LARP1: variants seen among roughly 807,000 people sequenced by gnomAD.
LARP1 encodes La ribonucleoprotein 1, translational regulator, also known as la-related protein 1.
In LARP1, 36 loss-of-function variants were observed where a neutral mutation model predicts 122.7. The ratio of observed to expected loss-of-function variants is 0.29; its 90% CI spans 0.22 to 0.39. The LOEUF is 0.39. Ranked by LOEUF, LARP1 falls within the 10% of genes least tolerant of loss-of-function variation. The pLI, the probability that LARP1 is intolerant of heterozygous loss-of-function variation, is 1.00. For synonymous variants in LARP1, 539 were observed against 528.7 expected (o/e 1.02, Z -0.27); for missense variants, 1,040 against 1,403.6 (o/e 0.74, Z 4.14).
intron 1 of LARP1, among the ~76,000 whole-genome samples, chr5:154,733,510 A>G (rs1359478737): frequency 1.3e-5 from 2 of 151,992 alleles, no homozygotes; most frequent in African/African-American, 4.8e-5. Flanking sequence ...TGACATTTCC[A>G]AATGAGTTTG....
At chr5:154,771,816 C>G (rs561930266) in intron 1 of LARP1, among the ~76,000 whole-genome samples, 1 of 152,178 alleles carries the variant, frequency 6.6e-6, no homozygotes, top group South Asian at 2.1e-4. Context: ...CTGGAAAGAC[C>G]TTGTAGTTTT....
At chr5:154,748,039 G>A (rs1051521516) in intron 1 of LARP1, among the ~76,000 whole-genome samples, 3 of 152,028 alleles carry the variant, frequency 2.0e-5, no homozygotes, top group African/African-American at 4.8e-5. Flanking sequence ...TCTTACAGAC[G>A]GGGTCTTAGT....
rs1229300225 is a variant in LARP1, at chr5:154,813,099, T to C, written c.3082-788T>C. ...TATGTGGTGACGCAGACAGGACTTA[T>C]TAGGTTAACTGAGGTTCGTGGCCAT... On this transcript the variant is annotated intron_variant, in intron 18 of 18. Coordinates refer to ENST00000518297, the MANE Select transcript of LARP1 (RefSeq NM_033551.3). Among the ~76,000 whole-genome samples the C allele has an allele frequency of 2.5e-4, 7 of 28,272 alleles. No individual in the cohort carries two copies. In the African/African-American group the frequency reaches 3.8e-3, roughly 15 times the overall value. The allele number at this position is 28,272 out of a possible 152,430, so 18.5% of individuals were successfully genotyped here. A position where few individuals can be genotyped will look rare whatever the true frequency, so the allele number is the denominator to read the frequency against.
chr5:154,785,142 G>A (rs886179897), intron 1 of LARP1, among the ~76,000 whole-genome samples: 6 of 152,224 alleles, frequency 3.9e-5, no homozygotes, highest in Non-Finnish European at 8.8e-5. Flanking sequence ...AAGTTTGGAA[G>A]CCTTCCTCTT....
At chr5:154,734,124 G>A (rs1756747326) in intron 1 of LARP1, among the ~76,000 whole-genome samples, 2 of 150,810 alleles carry the variant, frequency 1.3e-5, no homozygotes, top group Non-Finnish European at 2.9e-5. Context: ...CCGAGATCAC[G>A]CTATTGTACT....
At chr5:154,704,855 C>A (rs759635295) in intron 1 of LARP1, among the ~76,000 whole-genome samples, 1 of 151,966 alleles carries the variant, frequency 6.6e-6, no homozygotes, top group Non-Finnish European at 1.5e-5. Context: ...TAGTGGCTCA[C>A]GCCTGTAATT....
At chr5:154,736,230 G>A (rs954933984) in intron 1 of LARP1, among the ~76,000 whole-genome samples, 5 of 151,778 alleles carry the variant, frequency 3.3e-5, no homozygotes, top group Admixed American at 6.6e-5. Context: ...CGAGTAGCTG[G>A]GATTACAGGC....
intron 14 of LARP1, among the ~76,000 whole-genome samples, 172 bp downstream of exon 14, chr5:154,804,479 G>T (rs1210439594): frequency 2.0e-5 from 3 of 152,178 alleles, no homozygotes; most frequent in Non-Finnish European, 4.4e-5. Flanking sequence ...GGAATGACGG[G>T]TAGGCTTTTT....
chr5:154,701,531 A>G (rs143851392), intron 1 of LARP1, among the ~76,000 whole-genome samples: 1,933 of 152,202 alleles, frequency 0.013, 23 homozygotes, highest in Non-Finnish European at 0.018. Context: ...CCCTGGTCAC[A>G]GTGATGGGCC....
intron 1 of LARP1, among the ~76,000 whole-genome samples, chr5:154,685,583 C>G (rs1005657705): frequency 2.6e-5 from 4 of 152,134 alleles, no homozygotes; most frequent in South Asian, 2.1e-4. Context: ...AGGGAAGTCA[C>G]CGTATCTACT....
upstream of LARP1, among the ~76,000 whole-genome samples, chr5:154,754,486 A>G (rs1316045737): frequency 6.6e-6 from 1 of 152,126 alleles, no homozygotes; most frequent in African/African-American, 2.4e-5. Flanking sequence ...GTCCCAATCC[A>G]GGGACGGTTC....
At chr5:154,779,993 C>T (rs961882624) in intron 1 of LARP1, among the ~76,000 whole-genome samples, 1 of 152,094 alleles carries the variant, frequency 6.6e-6, no homozygotes, top group Non-Finnish European at 1.5e-5. Context: ...GCCTGTAGGC[C>T]ATCCTGAACT....
chr5:154,790,272 T>C, intron 1 of LARP1, 53 bp from the exon 2 acceptor site: 1 of 1,476,070 alleles, frequency 6.8e-7, no homozygotes, highest in Non-Finnish European at 9.4e-7. Context: ...GAGCTGGCAG[T>C]AGCCCCCTCA....
At chr5:154,764,226 C>T (rs1208677619) in intron 1 of LARP1, among the ~76,000 whole-genome samples, 1 of 150,584 alleles carries the variant, frequency 6.6e-6, no homozygotes, top group African/African-American at 2.5e-5. Flanking sequence ...AGGAGAATCG[C>T]TTGAACCTGG....
chr5:154,713,069 G>C (rs1381635377), exon 1 of LARP1: 1 of 1,614,050 alleles, frequency 6.2e-7, no homozygotes, highest in African/African-American at 1.3e-5. Flanking sequence ...CGAGGAAGGA[G>C]CCCACAGGTG....
intron 1 of LARP1, among the ~76,000 whole-genome samples, chr5:154,691,000 C>T (rs1754172573): frequency 6.6e-6 from 1 of 152,180 alleles, no homozygotes; most frequent in Non-Finnish European, 1.5e-5. Context: ...TGGCTCATGC[C>T]TGTAATCCCA....
At chr5:154,785,015 T>C (rs1756769665) in intron 1 of LARP1, among the ~76,000 whole-genome samples, 1 of 152,252 alleles carries the variant, frequency 6.6e-6, no homozygotes, top group South Asian at 2.1e-4. Context: ...AAGGGAACTC[T>C]TGTCAGCCTT....
At position 154,813,976 on chromosome 5, in the gene LARP1, G is replaced by A. The variant is rs777247944; in HGVS notation, c.3171G>A (p.Gln1057=). 6.2e-7 allele frequency: 1 copy of A among 1,614,092 alleles called. No individual in the cohort carries two copies. Among genetic ancestry groups the A allele is most frequent in the South Asian group, 1.1e-5 (1 of 91,088 alleles). The change falls in exon 19 of 19, where the codon CAG becomes CAA. Residue 1057 remains glutamine, a synonymous_variant. Transcript: ENST00000518297. The stretch of plus-strand genomic sequence containing the variant: ...AGGGCAGGAAGCGGTGCCCCTCCCA[G>A]TCTTCCAGCAGGCCTGCTGCCATGA... ...GGEGRKRCPS[Q]SSSRPAAMIS... is the part of the protein sequence containing the mutation.
intron 8 of LARP1, among the ~76,000 whole-genome samples, chr5:154,798,423 A>C (rs1181450608): frequency 2.0e-5 from 3 of 152,248 alleles, no homozygotes; most frequent in Non-Finnish European, 4.4e-5. Flanking sequence ...AAGTAGCAGT[A>C]TATAATAGAA....
Sources: gnomAD v4.1 joint callset for allele counts (sites outside exome capture counted in the v4.1 genomes callset) on GRCh38, gnomAD v4.1.1 for gene constraint, MANE v1.5 for transcripts, NCBI Gene and HGNC (gene_info 2026-07-23, HGNC 2026-07-21) for gene names.